The following MYO7A variants were observed in gnomAD, a reference collection of about 807,000 sequenced individuals.
MYO7A encodes unconventional myosin-VIIa.
In MYO7A, 210 loss-of-function variants were observed where a neutral mutation model predicts 263.8. That is an observed-to-expected ratio of 0.80 (90% confidence interval 0.71 to 0.89). The LOEUF (loss-of-function observed/expected upper bound fraction) is 0.89, where lower values mean the gene tolerates loss of function less well. Among genes scored for constraint, MYO7A ranks in the 40% least tolerant of loss-of-function variants. The pLI, the probability that MYO7A is intolerant of heterozygous loss-of-function variation, is 0.00. For synonymous variants in MYO7A, 1,239 were observed against 1,197.3 expected, an observed-to-expected ratio of 1.03 and a Z score of -0.72; for missense variants, 2,820 against 2,968.3, an observed-to-expected ratio of 0.95 and a Z score of 1.16.
intron 14 of MYO7A, among the ~76,000 whole-genome samples, chr11:77,164,129 A>C (rs918472425): frequency 6.6e-6 from 1 of 152,152 alleles, no homozygotes. Flanking sequence ...TCCCCTGGGG[A>C]CAGGCAATTG....
At chr11:77,160,839 G>A (rs546915807) in intron 11 of MYO7A, 134 bp from the exon 12 acceptor site, 35 of 994,154 alleles carry the variant, frequency 3.5e-5, no homozygotes, top group Non-Finnish European at 5.0e-5. Context: ...AACAGCTCAA[G>A]TAAAGGGTTG....
Position 77,202,295 on chromosome 11 carries a change from C to A in MYO7A, c.5044-5C>A, listed in dbSNP as rs1041052101. ...GACCTGAGCCCCCTGTCTCTTGGTC[C>A]CTAGGCCCTGGTCACCATGACTCCC... On this transcript the variant is annotated splice_region_variant and splice_polypyrimidine_tract_variant and intron_variant, in intron 36 of 48. Transcript: ENST00000409709. 1.3e-6 allele frequency: 2 copies of A among 1,583,252 alleles called. No homozygotes were observed. Among genetic ancestry groups the A allele is most frequent in the Non-Finnish European group, 1.7e-6 (2 of 1,163,750 alleles).
intron 15 of MYO7A, among the ~76,000 whole-genome samples, chr11:77,168,737 C>T (rs782500662): frequency 2.5e-4 from 38 of 152,042 alleles, no homozygotes; most frequent in African/African-American, 1.5e-4. Context: ...AGTTGGAGGC[C>T]GCAGTGAGTT....
intron 38 of MYO7A, 35 bp downstream of exon 38, chr11:77,203,252 AG>A: frequency 6.5e-7 from 1 of 1,542,166 alleles, no homozygotes; most frequent in Non-Finnish European, 8.8e-7. Flanking sequence ...CAGGGGAGCC[AG>A]GGACCGGGCA....
chr11:77,134,781 CTTTT>C (rs34558738), intron 2 of MYO7A, among the ~76,000 whole-genome samples: 1 of 124,568 alleles, frequency 8.0e-6, no homozygotes. Context: ...TACCACTTAA[CTTTT>C]TTTTTTTTTT....
At chr11:77,145,627 AG>A (rs1181906867) in intron 3 of MYO7A, among the ~76,000 whole-genome samples, 97 of 152,298 alleles carry the variant, frequency 6.4e-4, no homozygotes, top group African/African-American at 2.2e-3. Flanking sequence ...TATAAGAAAT[AG>A]GGTGCCTGGG....
intron 3 of MYO7A, among the ~76,000 whole-genome samples, chr11:77,147,445 G>A (rs782371322): frequency 6.6e-6 from 1 of 151,720 alleles, no homozygotes; most frequent in South Asian, 2.1e-4. Flanking sequence ...CTGAATTTGA[G>A]ACCAAGCTTG....
Position 77,194,438 on chromosome 11 carries a change from G to C in MYO7A, c.4237G>C (p.Val1413Leu). The C allele has an allele frequency of 6.2e-7, 1 of 1,611,790 alleles. No individual in the cohort carries two copies. The highest frequency in any genetic ancestry group is 8.5e-7 in the Non-Finnish European group (1 of 1,179,002). Reference protein sequence around the residue: ...EMILERLLNLVPTYIPDREIT... With the variant: ...EMILERLLNLLPTYIPDREIT... ...GATCCTGGAGCGCCTCCTGAACCTC[G>C]TGCCCACCTACATCCCCGACCGCGA... The change falls in exon 32 of 49, where the codon GTG (valine) becomes CTG (leucine). Residue 1413 changes from valine to leucine, a missense_variant. By Grantham distance (32) the Val-to-Leu change is conservative. Transcript: ENST00000409709.
Position 77,192,321 on chromosome 11 carries a change from G to C in MYO7A, c.4152+43G>C, listed in dbSNP as rs1034317589. The C allele has an allele frequency of 3.8e-6, 6 of 1,587,538 alleles. No individual in the cohort carries two copies. The African/African-American group carries it at 5.4e-5, about 14-fold the overall frequency. ...TTCCGCCAGGCTGGCTTGGCTCACA[G>C]CCTCCTGCTTTCCACGTTTGGGCTG... is the stretch of plus-strand genomic sequence containing the variant. On this transcript the variant is annotated intron_variant, in intron 31 of 48. Transcript: ENST00000409709.
chr11:77,173,502 C>T (rs1424789925), intron 16 of MYO7A, among the ~76,000 whole-genome samples: 1 of 152,230 alleles, frequency 6.6e-6, no homozygotes, highest in Non-Finnish European at 1.5e-5. Context: ...GAGAAAGGGA[C>T]TGTGCTGGTC....
In MYO7A at chr11:77,186,570, C is replaced by T. The variant is rs568158647; in HGVS notation, c.3503+1855C>T. 2.6e-4 allele frequency among the ~76,000 whole-genome samples: 39 copies of T among 152,330 alleles called. No individual in the cohort carries two copies. The South Asian group carries it at 8.1e-3, about 32-fold the overall frequency. On this transcript the variant is annotated intron_variant, in intron 27 of 48. Coordinates refer to ENST00000409709, the MANE Select transcript of MYO7A (RefSeq NM_000260.4). ...GCTTCTTGCTTTGAACCTCATGAGGCGATCTCTGTGAGCCTCCAACTTACC... is the reference window on the plus strand; with the variant it reads ...GCTTCTTGCTTTGAACCTCATGAGGTGATCTCTGTGAGCCTCCAACTTACC...
chr11:77,191,946 T>G (rs971584856), intron 30 of MYO7A, 105 bp from the exon 31 acceptor site: 12 of 1,013,774 alleles, frequency 1.2e-5, no homozygotes, highest in Non-Finnish European at 1.6e-5. Flanking sequence ...TCCCTGCCCC[T>G]CGCTGGGCCT....
intron 44 of MYO7A, among the ~76,000 whole-genome samples, chr11:77,210,519 ATC>A (rs1382655153): frequency 6.6e-6 from 1 of 152,114 alleles, no homozygotes; most frequent in Non-Finnish European, 1.5e-5. Context: ...ATTGACTCAG[ATC>A]TCTGACTGAC....
intron 15 of MYO7A, among the ~76,000 whole-genome samples, chr11:77,172,248 T>G (rs1430749978): frequency 6.6e-6 from 1 of 152,222 alleles, no homozygotes; most frequent in Non-Finnish European, 1.5e-5. Context: ...CTTAGGAAAC[T>G]GAGGCTCTGC....
In MYO7A at chr11:77,189,372, C is replaced by G; in HGVS notation, c.3532C>G (p.Gln1178Glu). 6.2e-7 allele frequency: 1 copy of G among 1,613,776 alleles called. No individual in the cohort carries two copies. The highest frequency in any genetic ancestry group is 1.3e-5 in the African/African-American group (1 of 75,058). Residue 1178 changes from glutamine (Q) to glutamate (E), a missense_variant, in exon 28 of 49, where the codon CAG becomes GAG. By Grantham distance (29) the Gln-to-Glu change is conservative. Transcript: ENST00000409709. ...RDEIYCQISK[Q>E]LTHNPSKSSY... ...CGAGATCTACTGCCAGATCAGCAAG[C>G]AGCTGACCCACAACCCCTCCAAGAG...
chr11:77,129,101 G>A (rs1051841622), intron 1 of MYO7A, among the ~76,000 whole-genome samples: 28 of 152,134 alleles, frequency 1.8e-4, no homozygotes, highest in African/African-American at 5.8e-4. Context: ...TAAATTTCAC[G>A]CCCTCACCAC....
At chr11:77,131,465 A>G (rs1228010660) in intron 2 of MYO7A, among the ~76,000 whole-genome samples, 1 of 152,246 alleles carries the variant, frequency 6.6e-6, no homozygotes, top group Non-Finnish European at 1.5e-5. Context: ...GGGCAGCATC[A>G]GGACAGACAT....
intron 27 of MYO7A, among the ~76,000 whole-genome samples, chr11:77,187,166 T>C (rs975547592): frequency 2.0e-5 from 3 of 152,188 alleles, no homozygotes; most frequent in African/African-American, 7.2e-5. Flanking sequence ...AGATTAGTGA[T>C]CACAGATCAC....
intron 14 of MYO7A, among the ~76,000 whole-genome samples, chr11:77,163,947 T>C (rs1953273535): frequency 6.6e-6 from 1 of 152,170 alleles, no homozygotes; most frequent in Non-Finnish European, 1.5e-5. Flanking sequence ...AATGCTTGTT[T>C]GCACATTTAG....
Sources: allele counts gnomAD v4.1 joint callset (sites outside exome capture counted in the v4.1 genomes callset), GRCh38; gene constraint gnomAD v4.1.1; transcripts MANE v1.5; gene names NCBI Gene and HGNC (gene_info 2026-07-23, HGNC 2026-07-21).